The following SBF1 variants were observed in gnomAD, a reference collection of about 807,000 sequenced individuals.
The protein encoded by SBF1 is SET binding factor 1, also known as myotubularin-related protein 5.
SBF1 carries 65 observed loss-of-function variants against 215.8 expected under a neutral mutation model. That is an observed-to-expected ratio of 0.30 (90% CI 0.25 to 0.37). SBF1 has a LOEUF of 0.37. Ranked by LOEUF, SBF1 falls within the 10% of genes least tolerant of loss-of-function variation. The pLI is 1.00. For missense variants in SBF1, 2,634 were observed against 2,667.8 expected (o/e 0.99, Z 0.28); for synonymous variants, 1,410 against 1,122.8 (o/e 1.26, Z -5.11).
At position 50,465,141 on chromosome 22, in the gene SBF1, AAGG is replaced by A. The variant is rs1439169472; in HGVS notation, c.1204-15_1204-13del. 1 of 1,613,814 alleles carries A rather than the reference AAGG, an allele frequency of 6.2e-7. No homozygotes were observed. Among genetic ancestry groups the A allele is most frequent in the Non-Finnish European group, 8.5e-7 (1 of 1,179,970 alleles). ...CCCAGGAAGGCTGCCTGGATGACAGAAGGAGGTCGGTCCCTCAGGGGTCTCCAC... is the reference window on the plus strand; with the variant it reads ...CCCAGGAAGGCTGCCTGGATGACAGAAGGTCGGTCCCTCAGGGGTCTCCAC... On this transcript the variant is annotated splice_polypyrimidine_tract_variant and intron_variant, in intron 11 of 40. Coordinates refer to ENST00000380817, the MANE Select transcript of SBF1 (RefSeq NM_002972.4).
At chr22:50,466,738 G>T in intron 5 of SBF1, 28 bp from the exon 6 acceptor site, 6 of 1,472,732 alleles carry the variant, frequency 4.1e-6, no homozygotes, top group South Asian at 1.3e-5. Flanking sequence ...TCGGGGCTCA[G>T]TAGTTTGGCC....
chr22:50,468,623 A>T, intron 1 of SBF1, among the ~76,000 whole-genome samples, 162 bp from the exon 2 acceptor site: 1 of 151,874 alleles, frequency 6.6e-6, no homozygotes, highest in East Asian at 1.9e-4. Flanking sequence ...TCTGCTTGAC[A>T]GCTGCAGACC....
At chr22:50,463,492 G>A (rs2067610103) in intron 15 of SBF1, 60 bp from the exon 16 acceptor site, 4 of 1,474,844 alleles carry the variant, frequency 2.7e-6, no homozygotes, top group East Asian at 2.5e-5. Flanking sequence ...TCGGGGCCCT[G>A]GCAGGGAGGG....
chr22:50,456,708 G>T lies in SBF1; in HGVS notation c.3905-35C>A, dbSNP rs1459618034. 17 of 1,438,212 alleles carry T rather than the reference G, an allele frequency of 1.2e-5. No homozygotes were observed. In the South Asian group the frequency reaches 2.2e-4, roughly 19 times the overall value. The allele number at this position is 1,438,212 out of a possible 1,614,324, so 89.1% of individuals were successfully genotyped here. A position where few individuals can be genotyped will look rare whatever the true frequency, so the allele number is the denominator to read the frequency against. On this transcript the variant is annotated intron_variant, in intron 29 of 40. Coordinates refer to ENST00000380817, the MANE Select transcript of SBF1 (RefSeq NM_002972.4). ...AGATGCCAGGTAAGCACCCAAAGGGGGCCAGGGCACCACTTACCTGGGGCT... is the reference window on the plus strand; with the variant it reads ...AGATGCCAGGTAAGCACCCAAAGGGTGCCAGGGCACCACTTACCTGGGGCT...
chr22:50,467,136 C>G lies in SBF1; in HGVS notation c.549+202G>C, dbSNP rs1225207838. ...ACCATCAAAGGAGTGGACAGAGAGG[C>G]TGAACGACACAGGCCCAGAGCACAG... On this transcript the variant is annotated intron_variant, in intron 5 of 40. Coordinates refer to ENST00000380817, the MANE Select transcript of SBF1 (RefSeq NM_002972.4). 6.7e-6 allele frequency: 4 copies of G among 599,954 alleles called. No individual in the cohort carries two copies. In the East Asian group the frequency reaches 8.3e-5, roughly 12 times the overall value. The allele number at this position is 599,954 out of a possible 1,614,324, so 37.2% of individuals were successfully genotyped here. A position where few individuals can be genotyped will look rare whatever the true frequency, so the allele number is the denominator to read the frequency against.
chr22:50,463,839 A>G (rs970823740), intron 15 of SBF1, among the ~76,000 whole-genome samples: 1 of 152,256 alleles, frequency 6.6e-6, no homozygotes, highest in Non-Finnish European at 1.5e-5. Flanking sequence ...CCAAAGGGAC[A>G]CCATACAGCC....
Position 50,460,257 on chromosome 22 carries a change from C to T in SBF1, c.3283+15G>A. 6.2e-7 allele frequency: 1 copy of T among 1,601,130 alleles called. No individual in the cohort carries two copies. Among genetic ancestry groups the T allele is most frequent in the Non-Finnish European group, 8.5e-7 (1 of 1,171,868 alleles). ...CATCCAGAGACCACCCAGGACTCCACCCCCACCCCTCCACCTGAGATCTCG... is the reference window on the plus strand; with the variant it reads ...CATCCAGAGACCACCCAGGACTCCATCCCCACCCCTCCACCTGAGATCTCG... On this transcript the variant is annotated intron_variant, in intron 25 of 40. Coordinates refer to ENST00000380817, the MANE Select transcript of SBF1 (RefSeq NM_002972.4).
intron 1 of SBF1, among the ~76,000 whole-genome samples, 166 bp downstream of exon 1, chr22:50,474,620 G>GC (rs1603436082): frequency 8.7e-6 from 1 of 115,006 alleles, no homozygotes; most frequent in African/African-American, 3.6e-5. Context: ...TCAGCGCCCA[G>GC]CCCCCGGTCC....
At chr22:50,447,679 T>TC (rs551382360) in intron 38 of SBF1, 70 bp from the exon 39 acceptor site, 14 of 1,166,974 alleles carry the variant, frequency 1.2e-5, no homozygotes, top group Admixed American at 2.0e-5. Flanking sequence ...CCAGCAGTCG[T>TC]CCCCCCCTTG....
At position 50,466,400 on chromosome 22, in the gene SBF1, G is replaced by A. The variant is rs374299843; in HGVS notation, c.738C>T (p.Leu246=). 8.2e-5 allele frequency: 127 copies of A among 1,553,750 alleles called. No individual in the cohort carries two copies. The Admixed American group carries it at 1.9e-3, about 23-fold the overall frequency. ...VLFLSRSYQR[L]ADACRGLLAL... ...CCAGGAGGCCCCTACAGGCATCGGC[G>A]AGCCGCTGGTAGCTCCGGGACAGGA... The change falls in exon 7 of 41, where the codon CTC becomes CTT. Residue 246 remains leucine, a synonymous_variant. Coordinates refer to ENST00000380817, the MANE Select transcript of SBF1 (RefSeq NM_002972.4).
At position 50,460,041 on chromosome 22, in the gene SBF1, A is replaced by C; in HGVS notation, c.3402T>G (p.Gly1134=). The C allele has an allele frequency of 6.2e-7, 1 of 1,613,976 alleles. No individual in the cohort carries two copies. Among genetic ancestry groups the C allele is most frequent in the Non-Finnish European group, 8.5e-7 (1 of 1,179,966 alleles). The stretch of plus-strand genomic sequence containing the variant: ...TCAGGCTGCTGCTCAGGGTGCCCAG[A>C]CCGAGGCGCTGGTAGTCGCGACAGC... ...RACCRDYQRL[G]LGTLSSSLSR... Residue 1134 remains glycine (G), a synonymous_variant, in exon 26 of 41, where the codon GGT becomes GGG. Coordinates refer to ENST00000380817, the MANE Select transcript of SBF1 (RefSeq NM_002972.4).
At chr22:50,462,172 T>G (rs1252675059) in intron 19 of SBF1, 33 bp downstream of exon 19, 1 of 1,607,230 alleles carries the variant, frequency 6.2e-7, no homozygotes, top group Non-Finnish European at 8.5e-7. Flanking sequence ...CGGCCCCGCC[T>G]CCACTGGGCC....
intron 23 of SBF1, 40 bp downstream of exon 23, chr22:50,461,118 AG>A: frequency 6.4e-7 from 1 of 1,552,728 alleles, no homozygotes; most frequent in Non-Finnish European, 8.7e-7. Flanking sequence ...GAGAAAGACC[AG>A]GGCGGGGGAT....
At chr22:50,454,107 C>T (rs1185842236) in intron 36 of SBF1, among the ~76,000 whole-genome samples, 15 of 152,224 alleles carry the variant, frequency 9.9e-5, no homozygotes, top group Non-Finnish European at 1.5e-5. Context: ...GGGCAAGAAC[C>T]CAGAGCTGCT....
At position 50,445,134 on chromosome 22, in the gene SBF1, A is replaced by AG. The variant is rs1335717188; in HGVS notation, c.*2007dup. 1 of 152,478 alleles carries AG rather than the reference A, an allele frequency of 6.6e-6. No homozygotes were observed. Among genetic ancestry groups the AG allele is most frequent in the African/African-American group, 2.4e-5 (1 of 41,448 alleles). 9.4% of individuals were successfully genotyped at this position (152,478 alleles called of 1,614,324 possible). A position where few individuals can be genotyped will look rare whatever the true frequency, so the allele number is the denominator to read the frequency against. ...CCGGCCCCAAAGCCCCGGCCCGGCC[A>AG]GGGGTGGGAGAGTCTCCTCCAGCAC... On this transcript the variant is annotated 3_prime_UTR_variant, in exon 41 of 41. Coordinates refer to ENST00000380817, the MANE Select transcript of SBF1 (RefSeq NM_002972.4).
Position 50,456,242 on chromosome 22 carries a change from G to C in SBF1, c.4240C>G (p.Leu1414Val), listed in dbSNP as rs182138894. Residue 1414 changes from leucine (L) to valine (V), a missense_variant, in exon 31 of 41, where the codon CTG becomes GTG. Transcript: ENST00000380817. ...TGGATCAGCCACTCTGAGTCCTCCA[G>C]TGAGCGCAGGAAGGAGGCTGGGCTG... ...EPSPASFLRS[L>V]EDSEWLIQIH... 2.5e-6 allele frequency: 4 copies of C among 1,612,336 alleles called. No individual in the cohort carries two copies. Among genetic ancestry groups the C allele is most frequent in the Admixed American group, 1.7e-5 (1 of 60,018 alleles).
At chr22:50,462,779 C>A (rs2148591840) in intron 17 of SBF1, 62 bp from the exon 18 acceptor site, 6 of 1,608,764 alleles carry the variant, frequency 3.7e-6, no homozygotes, top group Middle Eastern at 1.7e-4. Flanking sequence ...GGGAAGGAGA[C>A]CTCGGCCACC....
chr22:50,461,314 G>A, intron 22 of SBF1, 28 bp from the exon 23 acceptor site: 2 of 1,282,524 alleles, frequency 1.6e-6, no homozygotes, highest in Non-Finnish European at 2.1e-6. Flanking sequence ...AGAGTCAGAA[G>A]CAAGGAAGGT....
intron 36 of SBF1, among the ~76,000 whole-genome samples, chr22:50,448,901 AG>A (rs2066938239): frequency 6.6e-6 from 1 of 152,310 alleles, no homozygotes; most frequent in South Asian, 2.1e-4. Context: ...AGACCCCAAC[AG>A]GGTAAGTTAA....
Sources: gnomAD v4.1 joint callset for allele counts (sites outside exome capture counted in the v4.1 genomes callset) on GRCh38, gnomAD v4.1.1 for gene constraint, MANE v1.5 for transcripts, NCBI Gene and HGNC (gene_info 2026-07-23, HGNC 2026-07-21) for gene names.